Variants in PLCXD3 observed in about 807,000 individuals in gnomAD.
PLCXD3 encodes the protein PI-PLC X domain-containing protein 3.
In PLCXD3, 19 loss-of-function variants were observed where a neutral mutation model predicts 25.5. That is an observed-to-expected ratio of 0.75 (90% CI 0.52 to 1.09). PLCXD3 has a LOEUF of 1.09. PLCXD3 is among the 50% of genes least tolerant of loss of function. PLCXD3 has a pLI of 0.00. For synonymous variants in PLCXD3, 174 were observed against 137.6 expected, an observed-to-expected ratio of 1.26 and a Z score of -1.85; for missense variants, 411 against 388.1, an observed-to-expected ratio of 1.06 and a Z score of -0.50.
intron 1 of PLCXD3, among the ~76,000 whole-genome samples, chr5:41,500,206 G>A: frequency 6.6e-6 from 1 of 151,972 alleles, no homozygotes; most frequent in South Asian, 2.1e-4. Flanking sequence ...AGAAAATGTG[G>A]CATGTATACA....
chr5:41,406,174 C>A (rs1746344611), intron 1 of PLCXD3, among the ~76,000 whole-genome samples: 1 of 152,114 alleles, frequency 6.6e-6, no homozygotes, highest in Admixed American at 6.6e-5. Context: ...TGCCTCCTGT[C>A]CTTCCAACTC....
intron 1 of PLCXD3, among the ~76,000 whole-genome samples, chr5:41,443,938 T>G (rs1400508397): frequency 6.6e-6 from 1 of 152,218 alleles, no homozygotes; most frequent in Non-Finnish European, 1.5e-5. Context: ...CCTGAGCTAT[T>G]TTGATGGTAA....
chr5:41,352,589 G>C (rs1401503757), intron 2 of PLCXD3, among the ~76,000 whole-genome samples: 1 of 152,152 alleles, frequency 6.6e-6, no homozygotes, highest in African/African-American at 2.4e-5. Context: ...TAGAATAAAA[G>C]GTAGCAATCC....
intron 1 of PLCXD3, among the ~76,000 whole-genome samples, chr5:41,462,875 C>T (rs966888230): frequency 6.6e-6 from 1 of 151,892 alleles, no homozygotes; most frequent in Admixed American, 6.6e-5. Context: ...TTTTCTTTGT[C>T]TTGGCCAACC....
chr5:41,377,949 A>C (rs1745345688), intron 2 of PLCXD3, among the ~76,000 whole-genome samples: 1 of 152,084 alleles, frequency 6.6e-6, no homozygotes, highest in Admixed American at 6.6e-5. Flanking sequence ...CAGTCTTATA[A>C]TTGCCTGGTA....
intron 1 of PLCXD3, among the ~76,000 whole-genome samples, chr5:41,436,614 C>T (rs193234681): frequency 3.9e-5 from 6 of 152,260 alleles, no homozygotes; most frequent in African/African-American, 1.4e-4. Flanking sequence ...TCCGATACTT[C>T]CCACCATGGT....
intron 1 of PLCXD3, among the ~76,000 whole-genome samples, chr5:41,391,212 T>C (rs1361995898): frequency 6.6e-6 from 1 of 152,118 alleles, no homozygotes; most frequent in Non-Finnish European, 1.5e-5. Context: ...TGGAACATGA[T>C]ACACAGAAAC....
rs75221973 is a variant in PLCXD3, at chr5:41,324,538, T to C, written c.813-10768A>G. Among the ~76,000 whole-genome samples the C allele has an allele frequency of 8.8e-3, 1,335 of 152,240 alleles. 14 individuals are homozygous for C. Among genetic ancestry groups the C allele is most frequent in the African/African-American group, 0.03 (1,253 of 41,540 alleles). On this transcript the variant is annotated intron_variant, in intron 2 of 2. Coordinates refer to ENST00000377801, the MANE Select transcript of PLCXD3 (RefSeq NM_001005473.3). The stretch of plus-strand genomic sequence containing the variant: ...TAGAGCAGCAGGTGGAGACATTTGG[T>C]CCCCACAGCAATAGTTTTAGAAGAT...
At chr5:41,424,399 G>T (rs1039916310) in intron 1 of PLCXD3, among the ~76,000 whole-genome samples, 2 of 152,108 alleles carry the variant, frequency 1.3e-5, no homozygotes, top group Admixed American at 6.5e-5. Flanking sequence ...AATTAGCCGG[G>T]TGTGGTGGTG....
In PLCXD3 at chr5:41,308,907, G is replaced by C. The variant is rs145337140; in HGVS notation, c.*4710C>G. ...GAAAAGCAATGGGGTACCTCACAAG[G>C]TGGACAGTTTGCTTGTGGGAACTCA... On this transcript the variant is annotated 3_prime_UTR_variant, in exon 3 of 3. Transcript: ENST00000377801. 4.2e-4 allele frequency: 64 copies of C among 152,642 alleles called. No homozygotes were observed. The East Asian group carries it at 8.5e-3, about 20-fold the overall frequency. The allele number at this position is 152,642 out of a possible 1,614,324, so 9.5% of individuals were successfully genotyped here. A position where few individuals can be genotyped will look rare whatever the true frequency, so the allele number is the denominator to read the frequency against.
At chr5:41,481,923 C>G (rs931645067) in intron 1 of PLCXD3, among the ~76,000 whole-genome samples, 2 of 152,132 alleles carry the variant, frequency 1.3e-5, no homozygotes, top group East Asian at 3.9e-4. Context: ...ATTTTTCACT[C>G]TTTAATTAGA....
chr5:41,496,545 G>A (rs1209590159), intron 1 of PLCXD3, among the ~76,000 whole-genome samples: 2 of 138,674 alleles, frequency 1.4e-5, no homozygotes, highest in Admixed American at 1.6e-4. Flanking sequence ...GAAGGAAGTA[G>A]AATAATAACA....
intron 1 of PLCXD3, among the ~76,000 whole-genome samples, chr5:41,403,398 G>GTTTTTTTTTTTTTTTTGTTTTGTTT (rs764950342): frequency 2.9e-5 from 1 of 33,998 alleles, no homozygotes. Flanking sequence ...TGACTTATTT[G>GTTTTTTTTTTTTTTTTGTTTTGTTT]TTGTTTTTTT....
chr5:41,445,774 T>TA (rs1236657490), intron 1 of PLCXD3, among the ~76,000 whole-genome samples: 2 of 152,248 alleles, frequency 1.3e-5, no homozygotes, highest in South Asian at 2.1e-4. Flanking sequence ...AGGTCTTATT[T>TA]AAAAAAATAT....
intron 1 of PLCXD3, chr5:41,475,801 T>C (rs936324777): frequency 1.7e-5 from 9 of 514,434 alleles, no homozygotes; most frequent in Non-Finnish European, 3.6e-5. Context: ...CTTGAGACCA[T>C]CATTATGAGA....
rs1561283143 is a variant in PLCXD3 at position 41,471,808 on chromosome 5, C to CCCTTCCCT, written c.103+38615_103+38616insAGGGAAGG. On this transcript the variant is annotated intron_variant, in intron 1 of 2. Coordinates refer to ENST00000377801, the MANE Select transcript of PLCXD3 (RefSeq NM_001005473.3). ...TTCCCTTCCCTTCCCTTCCCTTCCC[C>CCCTTCCCT]TCCCCTCCCGTCCCCTCCCCTCCCC... 6.5e-4 allele frequency among the ~76,000 whole-genome samples: 20 copies of CCCTTCCCT among 30,736 alleles called. 2 individuals carry two copies. The highest frequency in any genetic ancestry group is 1.8e-3 in the African/African-American group (12 of 6,584). The allele number at this position is 30,736 out of a possible 152,430, so 20.2% of individuals were successfully genotyped here.
rs533817665 is a variant in PLCXD3 at position 41,375,518 on chromosome 5, T to G, written c.812+6308A>C. ...TTCCTCTTGGCCTCAACTTCCTTAT[T>G]TAATAAAAAATGGTGAAATGAGCAA... On this transcript the variant is annotated intron_variant, in intron 2 of 2. Coordinates refer to ENST00000377801, the MANE Select transcript of PLCXD3 (RefSeq NM_001005473.3). 3.9e-5 allele frequency among the ~76,000 whole-genome samples: 6 copies of G among 152,192 alleles called. No homozygotes were observed. The East Asian group carries it at 1.2e-3, about 30-fold the overall frequency.
rs116535054 is a variant in PLCXD3 at position 41,475,659 on chromosome 5, G to A, written c.103+34765C>T. On this transcript the variant is annotated intron_variant, in intron 1 of 2. Coordinates refer to ENST00000377801, the MANE Select transcript of PLCXD3 (RefSeq NM_001005473.3). ...TGTCCCTGTTTGTCCCTGTTCAGGC[G>A]CCACCTGTGGCTGTCTGCCACAAGT... The A allele has an allele frequency of 2.0e-3, 1,094 of 534,610 alleles. 5 individuals are homozygous for A. The highest frequency in any genetic ancestry group is 0.018 in the African/African-American group (911 of 52,010). 33.1% of individuals were successfully genotyped at this position (534,610 alleles called of 1,614,324 possible).
chr5:41,377,639 CA>C, intron 2 of PLCXD3, among the ~76,000 whole-genome samples: 1 of 152,020 alleles, frequency 6.6e-6, no homozygotes, highest in Non-Finnish European at 1.5e-5. Flanking sequence ...GGCATTGCTA[CA>C]ATGTAGAAAA....
Sources: allele counts gnomAD v4.1 joint callset (sites outside exome capture counted in the v4.1 genomes callset), GRCh38; gene constraint gnomAD v4.1.1; transcripts MANE v1.5; gene names NCBI Gene and HGNC (gene_info 2026-07-23, HGNC 2026-07-21).